Variants in TECPR2 observed in about 807,000 individuals in gnomAD.
TECPR2 encodes the protein tectonin beta-propeller repeat containing 2.
In TECPR2, 65 loss-of-function variants were observed where a neutral mutation model predicts 138.1. That is an observed-to-expected ratio of 0.47 (90% confidence interval 0.39 to 0.58). The LOEUF (loss-of-function observed/expected upper bound fraction) is 0.58. TECPR2 is among the 20% of genes least tolerant of loss of function. The pLI is 0.00. For missense variants in TECPR2, 1,553 were observed against 1,824.5 expected, an observed-to-expected ratio of 0.85 and a Z score of 2.71; for synonymous variants, 746 against 749.8, an observed-to-expected ratio of 0.99 and a Z score of 0.08.
chr14:102,440,727 G>T (rs903594691), intron 11 of TECPR2, 118 bp downstream of exon 11: 2 of 1,244,840 alleles, frequency 1.6e-6, no homozygotes, highest in Non-Finnish European at 2.2e-6. Flanking sequence ...AAATCCATTC[G>T]AATTAAGACA....
chr14:102,401,350 A>T (rs1346854713), intron 2 of TECPR2, among the ~76,000 whole-genome samples: 1 of 151,248 alleles, frequency 6.6e-6, no homozygotes, highest in Admixed American at 6.6e-5. Flanking sequence ...GAGGCAGGAG[A>T]AATGCTTGAA....
At position 102,370,350 on chromosome 14, in the gene TECPR2, C is replaced by T. The variant is rs138857890; in HGVS notation, c.-72-6300C>T. On this transcript the variant is annotated intron_variant, in intron 1 of 19. Coordinates refer to ENST00000359520, the MANE Select transcript of TECPR2 (RefSeq NM_014844.5). ...GCTCCCAAAGTGCTGGGATTACACG[C>T]GTGAACCACCACACCCGGCCGGTAA... Among the ~76,000 whole-genome samples, 583 of 152,224 alleles carry T rather than the reference C, an allele frequency of 3.8e-3. 4 individuals are homozygous for T. Among genetic ancestry groups the T allele is most frequent in the African/African-American group, 0.013 (543 of 41,522 alleles).
intron 16 of TECPR2, among the ~76,000 whole-genome samples, chr14:102,463,416 C>CAAAAAAAAAAAAAAAAA (rs550694466): frequency 1.6e-4 from 6 of 38,522 alleles, no homozygotes; most frequent in Admixed American, 2.9e-4. Context: ...GACTCCGTCT[C>CAAAAAAAAAAAAAAAAA]AAAAAAAAAA....
chr14:102,405,946 T>C (rs1331472962), intron 2 of TECPR2, among the ~76,000 whole-genome samples: 2 of 151,962 alleles, frequency 1.3e-5, no homozygotes, highest in Admixed American at 1.3e-4. Context: ...AAATACTGTA[T>C]GGTTCCATTT....
At chr14:102,413,896 C>T (rs575586592) in intron 4 of TECPR2, among the ~76,000 whole-genome samples, 1 of 152,040 alleles carries the variant, frequency 6.6e-6, no homozygotes, top group Non-Finnish European at 1.5e-5. Flanking sequence ...CTCCTGGGCT[C>T]AAATGATCCT....
chr14:102,368,870 T>C (rs1321295221), intron 1 of TECPR2, among the ~76,000 whole-genome samples: 1 of 152,168 alleles, frequency 6.6e-6, no homozygotes, highest in African/African-American at 2.4e-5. Flanking sequence ...GAGATAGGGC[T>C]GATGGACTGA....
intron 6 of TECPR2, among the ~76,000 whole-genome samples, chr14:102,426,496 G>C (rs1889325272): frequency 6.6e-6 from 1 of 152,158 alleles, no homozygotes; most frequent in Non-Finnish European, 1.5e-5. Context: ...TCCATTCTGA[G>C]CTCAGCGGGC....
At chr14:102,431,485 G>A (rs961165807) in intron 7 of TECPR2, among the ~76,000 whole-genome samples, 7 of 151,994 alleles carry the variant, frequency 4.6e-5, no homozygotes, top group South Asian at 2.1e-4. Context: ...TGGGACCCCC[G>A]GCGCCCGCCA....
At chr14:102,394,192 C>T (rs565730775) in intron 2 of TECPR2, among the ~76,000 whole-genome samples, 1 of 152,266 alleles carries the variant, frequency 6.6e-6, no homozygotes, top group East Asian at 1.9e-4. Flanking sequence ...TCCTCTATCG[C>T]CAAGTCCTTT....
intron 17 of TECPR2, among the ~76,000 whole-genome samples, chr14:102,483,264 G>A (rs1890935625): frequency 6.6e-6 from 1 of 152,076 alleles, no homozygotes; most frequent in Non-Finnish European, 1.5e-5. Context: ...GGTATGCCTT[G>A]GTGAGGGCTG....
At chr14:102,431,189 A>G (rs1889461914) in intron 7 of TECPR2, among the ~76,000 whole-genome samples, 1 of 151,054 alleles carries the variant, frequency 6.6e-6, no homozygotes, top group African/African-American at 2.4e-5. Flanking sequence ...ACACCCTGCT[A>G]AATTTTGAGA....
chr14:102,446,157 C>A (rs1889974622), intron 13 of TECPR2, among the ~76,000 whole-genome samples: 1 of 152,094 alleles, frequency 6.6e-6, no homozygotes, highest in African/African-American at 2.4e-5. Context: ...GTCTTGACTT[C>A]CTGGGCTCAG....
chr14:102,369,672 T>G (rs1887442726), intron 1 of TECPR2, among the ~76,000 whole-genome samples: 1 of 152,068 alleles, frequency 6.6e-6, no homozygotes, highest in Non-Finnish European at 1.5e-5. Flanking sequence ...CCAAGTGCAG[T>G]GGCTCACGCC....
chr14:102,496,133 A>C (rs1891274009), intron 17 of TECPR2, among the ~76,000 whole-genome samples: 1 of 152,212 alleles, frequency 6.6e-6, no homozygotes, highest in Non-Finnish European at 1.5e-5. Context: ...ATGGAGGCCG[A>C]CCAGGAGGGC....
At chr14:102,497,473 C>G in intron 18 of TECPR2, 97 bp from the exon 19 acceptor site, 1 of 1,384,560 alleles carries the variant, frequency 7.2e-7, no homozygotes, top group Non-Finnish European at 9.4e-7. Context: ...CCGCAGGGAC[C>G]CTGGTGGAGG....
chr14:102,400,064 TAG>T (rs1888434564), intron 2 of TECPR2, among the ~76,000 whole-genome samples: 1 of 149,098 alleles, frequency 6.7e-6, no homozygotes. Flanking sequence ...TTTTTTTTTT[TAG>T]ATGGTGTCTT....
rs1333760889 is a variant in TECPR2 at position 102,419,623 on chromosome 14, G to T, written c.638+4830G>T. ...ACTGAGCACAGGGCAGGTGCAGGCA[G>T]GTCAGGAGGCCCAGAGGTAGAAGAC... On this transcript the variant is annotated intron_variant, in intron 5 of 19. Coordinates refer to ENST00000359520, the MANE Select transcript of TECPR2 (RefSeq NM_014844.5). The surrounding 1 kb of genome is among the most constrained non-coding windows in gnomAD (Gnocchi z 4.8). Among the ~76,000 whole-genome samples the T allele has an allele frequency of 6.6e-6, 1 of 152,148 alleles. No homozygotes were observed. The highest frequency in any genetic ancestry group is 1.5e-5 in the Non-Finnish European group (1 of 68,018).
At chr14:102,431,486 G>T (rs1244817857) in intron 7 of TECPR2, among the ~76,000 whole-genome samples, 2 of 151,962 alleles carry the variant, frequency 1.3e-5, no homozygotes, top group South Asian at 2.1e-4. Context: ...GGGACCCCCG[G>T]CGCCCGCCAC....
At chr14:102,477,736 A>G (rs1301932030) in intron 17 of TECPR2, among the ~76,000 whole-genome samples, 1 of 83,726 alleles carries the variant, frequency 1.2e-5, no homozygotes, top group Non-Finnish European at 2.3e-5. Context: ...TTTTTTTTGT[A>G]TTTTATGTTG....
Sources: gnomAD v4.1 joint callset for allele counts (sites outside exome capture counted in the v4.1 genomes callset) on GRCh38, gnomAD v4.1.1 for gene constraint, Gnocchi (gnomAD v3.1) non-coding constraint, MANE v1.5 for transcripts, NCBI Gene and HGNC (gene_info 2026-07-23, HGNC 2026-07-21) for gene names.